Variants in NLGN1 observed in about 807,000 individuals in gnomAD.
NLGN1 encodes the protein neuroligin 1.
Under a neutral mutation model 65.5 loss-of-function variants are expected in NLGN1, and 12 were observed. That is an observed-to-expected ratio of 0.18 (90% CI 0.12 to 0.30). The LOEUF is 0.30. Ranked by LOEUF, NLGN1 falls within the 10% of genes least tolerant of loss-of-function variation. The probability of loss-of-function intolerance (pLI) is 1.00; values close to 1 mark genes in which losing one functional copy is unlikely to be tolerated. For missense variants in NLGN1, 750 were observed against 1,007.1 expected, an observed-to-expected ratio of 0.74 and a Z score of 3.46; for synonymous variants, 350 against 359.5, an observed-to-expected ratio of 0.97 and a Z score of 0.30.
At chr3:173,590,367 T>C (rs1364605436) in intron 2 of NLGN1, among the ~76,000 whole-genome samples, 2 of 152,320 alleles carry the variant, frequency 1.3e-5, no homozygotes, top group East Asian at 1.9e-4. Flanking sequence ...CTAATACATA[T>C]GTTACTACAA....
At chr3:173,809,397 T>G (rs937144756) in intron 4 of NLGN1, among the ~76,000 whole-genome samples, 39 of 152,298 alleles carry the variant, frequency 2.6e-4, no homozygotes, top group African/African-American at 9.4e-4. Context: ...ATGGTAGTAT[T>G]GTTGAGAGCT....
intron 4 of NLGN1, among the ~76,000 whole-genome samples, chr3:173,857,749 C>T (rs1406026169): frequency 1.4e-5 from 2 of 146,280 alleles, no homozygotes; most frequent in Non-Finnish European, 3.0e-5. Flanking sequence ...TCCCTTTATT[C>T]CCCATCCCAA....
At chr3:173,839,397 TTTTG>T (rs1160659464) in intron 4 of NLGN1, among the ~76,000 whole-genome samples, 3 of 151,716 alleles carry the variant, frequency 2.0e-5, no homozygotes, top group African/African-American at 7.3e-5. Context: ...CAGAGAAGTT[TTTTG>T]TTTGTTTTTT....
At chr3:173,985,347 C>T (rs1719660964) in intron 4 of NLGN1, among the ~76,000 whole-genome samples, 1 of 152,144 alleles carries the variant, frequency 6.6e-6, no homozygotes, top group Admixed American at 6.5e-5. Context: ...CCTGTACCTA[C>T]CACCTTCTCA....
chr3:173,619,268 C>G (rs1390155754), intron 3 of NLGN1, among the ~76,000 whole-genome samples: 1 of 152,078 alleles, frequency 6.6e-6, no homozygotes, highest in African/African-American at 2.4e-5. Context: ...ACAGTTAGTT[C>G]CCTTCACATC....
chr3:173,954,753 C>G (rs957517182), intron 4 of NLGN1, among the ~76,000 whole-genome samples: 3 of 152,058 alleles, frequency 2.0e-5, no homozygotes, highest in Non-Finnish European at 4.4e-5. Flanking sequence ...TCCAAACTCT[C>G]CTTTTTAGTT....
rs903514563 is a variant in NLGN1 at position 173,875,472 on chromosome 3, G to T, written c.646+67640G>T. 3.3e-5 allele frequency among the ~76,000 whole-genome samples: 5 copies of T among 152,250 alleles called. No individual in the cohort carries two copies. In the East Asian group the frequency reaches 9.6e-4, roughly 29 times the overall value. On this transcript the variant is annotated intron_variant, in intron 4 of 6. Coordinates refer to ENST00000457714, the Ensembl canonical transcript of NLGN1. ...TAAAGCATAAAATGTAGTGACACAT[G>T]CAAAAGCCATTAAATGTAAGTGATG... is the stretch of plus-strand genomic sequence containing the variant.
chr3:174,246,354 A>G (rs754856793), intron 4 of NLGN1, among the ~76,000 whole-genome samples: 6 of 152,212 alleles, frequency 3.9e-5, no homozygotes, highest in Admixed American at 6.5e-5. Flanking sequence ...ATACACATGC[A>G]AGATTTTTGA....
intron 2 of NLGN1, among the ~76,000 whole-genome samples, chr3:173,477,292 C>T (rs1232279083): frequency 6.6e-6 from 1 of 152,062 alleles, no homozygotes; most frequent in African/African-American, 2.4e-5. Context: ...TGTAATCCCA[C>T]CGTTTTGGTA....
intron 2 of NLGN1, among the ~76,000 whole-genome samples, chr3:173,465,295 C>T (rs930597916): frequency 6.6e-5 from 10 of 152,118 alleles, no homozygotes; most frequent in African/African-American, 2.4e-4. Flanking sequence ...AATGAGCAAT[C>T]CACTTTAGTT....
chr3:173,694,794 T>A (rs555340420), intron 3 of NLGN1, among the ~76,000 whole-genome samples: 42 of 152,196 alleles, frequency 2.8e-4, no homozygotes, highest in Non-Finnish European at 4.0e-4. Context: ...TGTTGCCTTT[T>A]ATTGACTGTG....
Position 173,854,203 on chromosome 3 carries a change from G to A in NLGN1, c.646+46371G>A, listed in dbSNP as rs181773281. 5.5e-4 allele frequency among the ~76,000 whole-genome samples: 84 copies of A among 151,998 alleles called. No homozygotes were observed. The East Asian group carries it at 0.015, about 28-fold the overall frequency. ...ATTCAAATACCCATTTTCCTTTGCA[G>A]AGTACTTCAGTATAGCTTTTTAAAA... On this transcript the variant is annotated intron_variant, in intron 4 of 6. Transcript: ENST00000457714.
intron 4 of NLGN1, among the ~76,000 whole-genome samples, chr3:174,101,127 G>A (rs1357909242): frequency 6.6e-6 from 1 of 152,088 alleles, no homozygotes; most frequent in Non-Finnish European, 1.5e-5. Context: ...GGACAGTGAT[G>A]TTTAACTTCT....
In NLGN1 at chr3:173,687,462, G is replaced by C. The variant is rs192992250; in HGVS notation, c.493+82371G>C. Reference sequence around the variant, plus strand: ...AGGCAGACAGATACAGGTGTGCTTTGTTGGGGACTCAAATAGTAGGAGCAG... The same window carrying C: ...AGGCAGACAGATACAGGTGTGCTTTCTTGGGGACTCAAATAGTAGGAGCAG... On this transcript the variant is annotated intron_variant, in intron 3 of 6. Coordinates refer to ENST00000457714, the Ensembl canonical transcript of NLGN1. Among the ~76,000 whole-genome samples, 491 of 152,272 alleles carry C rather than the reference G, an allele frequency of 3.2e-3. 3 individuals are homozygous for C. The highest frequency in any genetic ancestry group is 0.011 in the African/African-American group (467 of 41,558).
At chr3:173,878,155 C>A (rs1026332273) in intron 4 of NLGN1, among the ~76,000 whole-genome samples, 1 of 152,064 alleles carries the variant, frequency 6.6e-6, no homozygotes, top group Admixed American at 6.5e-5. Context: ...GATTCTCCTG[C>A]CTCAGCCTCC....
chr3:173,977,092 T>TACACAC (rs112753620), intron 4 of NLGN1, among the ~76,000 whole-genome samples: 4,359 of 150,192 alleles, frequency 0.029, 100 homozygotes, highest in Non-Finnish European at 0.04. Context: ...AGGAAAAAGA[T>TACACAC]ACACACACAC....
chr3:173,629,091 T>G (rs1299833647), intron 3 of NLGN1, among the ~76,000 whole-genome samples: 2 of 151,602 alleles, frequency 1.3e-5, no homozygotes, highest in African/African-American at 4.9e-5. Context: ...TATCATCCTT[T>G]CCTTTTTTTT....
chr3:173,998,457 GAAAC>G (rs1423111707), intron 4 of NLGN1, among the ~76,000 whole-genome samples: 1 of 152,070 alleles, frequency 6.6e-6, no homozygotes, highest in Non-Finnish European at 1.5e-5. Flanking sequence ...AAATTAAGAA[GAAAC>G]AATAAAATGT....
intron 3 of NLGN1, among the ~76,000 whole-genome samples, chr3:173,769,007 C>G (rs116179004): frequency 6.6e-6 from 1 of 152,142 alleles, no homozygotes; most frequent in South Asian, 2.1e-4. Context: ...TGGACTCAAG[C>G]GATCCACCCT....
Sources: gnomAD v4.1 joint callset for allele counts (sites outside exome capture counted in the v4.1 genomes callset) on GRCh38, gnomAD v4.1.1 for gene constraint, MANE v1.5 for transcripts, NCBI Gene and HGNC (gene_info 2026-07-23, HGNC 2026-07-21) for gene names.